HELZ2: variants seen among roughly 807,000 people sequenced by gnomAD.
HELZ2 encodes helicase with zinc finger 2.
In HELZ2, 143 loss-of-function variants were observed where a neutral mutation model predicts 208.8. That is an observed-to-expected ratio of 0.68 (90% CI 0.60 to 0.79). HELZ2 has a LOEUF of 0.79. HELZ2 is among the 30% of genes least tolerant of loss of function. The pLI, the probability that HELZ2 is intolerant of heterozygous loss-of-function variation, is 0.00. For missense variants in HELZ2, 3,690 were observed against 3,794.5 expected (o/e 0.97, Z 0.72); for synonymous variants, 1,705 against 1,693.7 (o/e 1.01, Z -0.16).
In HELZ2 at chr20:63,561,754, A is replaced by T; in HGVS notation, c.6692-9T>A. The T allele has an allele frequency of 1.3e-6, 2 of 1,585,630 alleles. No homozygotes were observed. Among genetic ancestry groups the T allele is most frequent in the Non-Finnish European group, 1.7e-6 (2 of 1,163,634 alleles). On this transcript the variant is annotated splice_polypyrimidine_tract_variant and intron_variant, in intron 11 of 18. Coordinates refer to ENST00000467148, the Ensembl canonical transcript of HELZ2. ...CCTTCTCAGGAGCAGTCCTGAGGGTAGTTGGGGGACGTGAGTCCTGCCCCG... is the reference window on the plus strand; with the variant it reads ...CCTTCTCAGGAGCAGTCCTGAGGGTTGTTGGGGGACGTGAGTCCTGCCCCG...
At chr20:63,562,727 C>A in exon 8 of HELZ2, 1 of 1,601,982 alleles carries the variant, frequency 6.2e-7, no homozygotes, top group Non-Finnish European at 8.5e-7. Context: ...AACATTCAGG[C>A]CAGGGCCGAG....
exon 6 of HELZ2, chr20:63,566,847 G>C (rs2082965166): frequency 6.3e-7 from 1 of 1,594,360 alleles, no homozygotes; most frequent in Non-Finnish European, 8.5e-7. Flanking sequence ...GGCTCACCTG[G>C]GCACCGTGGG....
At chr20:63,572,193 C>G (rs374328737) in exon 1 of HELZ2, 1 of 1,608,092 alleles carries the variant, frequency 6.2e-7, no homozygotes, top group South Asian at 1.1e-5. Flanking sequence ...ACCATCTGTG[C>G]GTGCTCCGAG....
Position 63,562,831 on chromosome 20 carries a change from G to C in HELZ2, c.5991C>G (p.Asn1997Lys), listed in dbSNP as rs1384379645. ...AGCAGCTGAAGTTGATGTCGGCACA[G>C]TTCTCCTCGAGGAAGGCGGCCTCCA... Residue 1997 changes from asparagine to lysine, a missense_variant, in exon 8 of 19, where the codon AAC becomes AAG. Coordinates refer to ENST00000467148, the Ensembl canonical transcript of HELZ2. The C allele has an allele frequency of 5.0e-6, 8 of 1,610,414 alleles. No homozygotes were observed. The highest frequency in any genetic ancestry group is 6.8e-6 in the Non-Finnish European group (8 of 1,179,298).
chr20:63,563,884 C>T (rs766472922), exon 8 of HELZ2: 12 of 1,598,818 alleles, frequency 7.5e-6, no homozygotes, highest in Admixed American at 1.7e-5. Flanking sequence ...AGCGGCCGAA[C>T]GCCGAGCGCT....
At chr20:63,562,005 A>G in intron 10 of HELZ2, 21 bp from the exon 12 acceptor site, 3 of 1,594,828 alleles carry the variant, frequency 1.9e-6, no homozygotes, top group Non-Finnish European at 2.6e-6. Context: ...AGAATAGGAG[A>G]TTGTAGCCCA....
exon 6 of HELZ2, chr20:63,567,215 T>C: frequency 6.2e-7 from 1 of 1,607,716 alleles, no homozygotes; most frequent in Non-Finnish European, 8.5e-7. Flanking sequence ...TGCAGCAGCG[T>C]GTGCTCGGCC....
At chr20:63,564,508 G>T in exon 8 of HELZ2, 1 of 1,586,306 alleles carries the variant, frequency 6.3e-7, no homozygotes. Flanking sequence ...TCTTCAGCTG[G>T]CCACTGGCCT....
At chr20:63,565,943 C>T (rs776734458) in exon 8 of HELZ2, 11 of 1,598,728 alleles carry the variant, frequency 6.9e-6, no homozygotes, top group Middle Eastern at 1.6e-4. Flanking sequence ...GGGAGGCCAG[C>T]GCCGTCTCTG....
chr20:63,561,523 T>G, intron 12 of HELZ2, 57 bp from the exon 14 acceptor site: 2 of 1,575,212 alleles, frequency 1.3e-6, no homozygotes, highest in Non-Finnish European at 1.7e-6. Flanking sequence ...GGGGCAGAGC[T>G]CAGTGAGACC....
chr20:63,568,369 T>C, exon 5 of HELZ2: 22 of 1,610,516 alleles, frequency 1.4e-5, no homozygotes, highest in Non-Finnish European at 1.9e-5. Flanking sequence ...TGTTGGTGTG[T>C]GTGCAGATGA....
At chr20:63,563,649 G>C in exon 8 of HELZ2, 1 of 1,548,048 alleles carries the variant, frequency 6.5e-7, no homozygotes, top group Non-Finnish European at 8.7e-7. Flanking sequence ...TGCAGGCTGC[G>C]CGCCCGCCGC....
exon 4 of HELZ2, chr20:63,569,245 T>C (rs2082994591): frequency 6.4e-7 from 1 of 1,570,604 alleles, no homozygotes; most frequent in East Asian, 2.3e-5. Context: ...GAGGCCACGC[T>C]GCTGCGGTTG....
exon 5 of HELZ2, chr20:63,568,527 G>A (rs367555430): frequency 3.4e-5 from 54 of 1,582,040 alleles, no homozygotes; most frequent in Non-Finnish European, 4.5e-5. Context: ...GCCACGGCCA[G>A]CTCCTGCTTG....
At chr20:63,560,737 G>C (rs201170518) in intron 15 of HELZ2, 40 bp from the exon 17 acceptor site, 2 of 1,604,384 alleles carry the variant, frequency 1.2e-6, no homozygotes, top group Admixed American at 3.3e-5. Flanking sequence ...GCTGCCACGC[G>C]GGGTTGTGGC....
exon 4 of HELZ2, chr20:63,569,271 G>A (rs756375541): frequency 7.6e-6 from 12 of 1,575,472 alleles, no homozygotes; most frequent in Non-Finnish European, 1.0e-5. Context: ...CAGGGCCAGG[G>A]CAGGGCCCTT....
exon 18 of HELZ2, chr20:63,559,936 C>T (rs2082866792): frequency 6.2e-7 from 1 of 1,610,188 alleles, no homozygotes. Flanking sequence ...ACCGATCAGG[C>T]AGAGCCCCTC....
At chr20:63,562,324 C>G in exon 9 of HELZ2, 1 of 1,598,198 alleles carries the variant, frequency 6.3e-7, no homozygotes, top group Non-Finnish European at 8.5e-7. Flanking sequence ...CGGCCCAGTG[C>G]GATGCTGGTG....
At chr20:63,569,564 C>T (rs1474965952) in exon 4 of HELZ2, 1 of 1,598,888 alleles carries the variant, frequency 6.3e-7, no homozygotes, top group Non-Finnish European at 8.5e-7. Flanking sequence ...CACGGAAGCG[C>T]TCACCCCGTG....
Sources: gnomAD v4.1 joint callset for allele counts on GRCh38, gnomAD v4.1.1 for gene constraint, MANE v1.5 for transcripts, NCBI Gene and HGNC (gene_info 2026-07-23, HGNC 2026-07-21) for gene names.